SIPA1L1: variants seen among roughly 807,000 people sequenced by gnomAD.
SIPA1L1 encodes signal-induced proliferation-associated 1-like protein 1.
A neutral mutation model predicts 162.7 loss-of-function variants in SIPA1L1; 26 were observed. The observed-to-expected ratio is 0.16, with a 90% CI of 0.12 to 0.22. SIPA1L1 has a LOEUF of 0.22. Among genes scored for constraint, SIPA1L1 ranks in the 10% least tolerant of loss-of-function variants. The probability of loss-of-function intolerance (pLI) is 1.00; values close to 1 mark genes in which losing one functional copy is unlikely to be tolerated. For missense variants in SIPA1L1, 1,874 were observed against 2,241.0 expected (o/e 0.84, Z 3.31); for synonymous variants, 829 against 837.4 (o/e 0.99, Z 0.17).
intron 7 of SIPA1L1, among the ~76,000 whole-genome samples, chr14:71,626,582 A>G (rs372665026): frequency 2.6e-5 from 4 of 152,200 alleles, no homozygotes; most frequent in African/African-American, 7.2e-5. Flanking sequence ...GGAAATGCTT[A>G]TAAGTGCAGT....
chr14:71,429,890 A>C (rs2043854287), intron 2 of SIPA1L1, among the ~76,000 whole-genome samples: 1 of 152,192 alleles, frequency 6.6e-6, no homozygotes, highest in African/African-American at 2.4e-5. Flanking sequence ...TTTATTTAGA[A>C]ATAAAGAATT....
intron 14 of SIPA1L1, among the ~76,000 whole-genome samples, chr14:71,699,646 G>A (rs1446958060): frequency 6.6e-6 from 1 of 152,214 alleles, no homozygotes; most frequent in African/African-American, 2.4e-5. Flanking sequence ...AGAAAGAACT[G>A]AGGATGTGCA....
At chr14:71,493,688 G>T (rs2049479742) in intron 2 of SIPA1L1, among the ~76,000 whole-genome samples, 1 of 152,142 alleles carries the variant, frequency 6.6e-6, no homozygotes, top group African/African-American at 2.4e-5. Flanking sequence ...TGGAACAAAG[G>T]TTATGTATGT....
intron 2 of SIPA1L1, among the ~76,000 whole-genome samples, chr14:71,394,767 A>G (rs537781366): frequency 1.7e-4 from 26 of 152,348 alleles, no homozygotes; most frequent in African/African-American, 6.3e-4. Flanking sequence ...GGTACCATCT[A>G]AAGTTAAGAT....
At chr14:71,500,406 T>C (rs2050113219) in intron 2 of SIPA1L1, among the ~76,000 whole-genome samples, 1 of 152,242 alleles carries the variant, frequency 6.6e-6, no homozygotes, top group Non-Finnish European at 1.5e-5. Context: ...GCCCTCAAAA[T>C]CATATGGTGG....
At chr14:71,419,193 G>A (rs940916381) in intron 2 of SIPA1L1, among the ~76,000 whole-genome samples, 25 of 151,694 alleles carry the variant, frequency 1.6e-4, no homozygotes, top group Non-Finnish European at 4.4e-5. Context: ...GTTAAATAGT[G>A]AATGGTTGCT....
intron 22 of SIPA1L1, among the ~76,000 whole-genome samples, chr14:71,736,967 A>C (rs2085353198): frequency 6.6e-6 from 1 of 152,104 alleles, no homozygotes; most frequent in African/African-American, 2.4e-5. Flanking sequence ...TCTGTCCAGC[A>C]CCGCCCCTTT....
intron 7 of SIPA1L1, among the ~76,000 whole-genome samples, chr14:71,645,739 C>T (rs996273416): frequency 1.3e-5 from 2 of 152,124 alleles, no homozygotes; most frequent in African/African-American, 4.8e-5. Flanking sequence ...TTTGACTCAC[C>T]ATGAGTGCAT....
chr14:71,616,666 T>G (rs1363458545), intron 5 of SIPA1L1, among the ~76,000 whole-genome samples: 1 of 152,180 alleles, frequency 6.6e-6, no homozygotes, highest in Admixed American at 6.5e-5. Flanking sequence ...TGATTAGGTT[T>G]GCATCTGAAA....
chr14:71,629,726 A>G (rs2040384497), intron 7 of SIPA1L1, among the ~76,000 whole-genome samples: 1 of 152,264 alleles, frequency 6.6e-6, no homozygotes, highest in Admixed American at 6.5e-5. Context: ...ATTATTAAAA[A>G]TGCAGTGAAA....
chr14:71,663,674 A>T (rs1385340293), intron 10 of SIPA1L1, among the ~76,000 whole-genome samples: 1 of 151,948 alleles, frequency 6.6e-6, no homozygotes, highest in Non-Finnish European at 1.5e-5. Flanking sequence ...CTCCCCTGAA[A>T]ATTAGGATTT....
chr14:71,387,705 G>A (rs56084561), intron 2 of SIPA1L1, among the ~76,000 whole-genome samples: 2,773 of 152,276 alleles, frequency 0.018, 42 homozygotes, highest in Middle Eastern at 0.048. Flanking sequence ...TTTCTAGCAG[G>A]AATGTGTTAC....
At chr14:71,505,771 G>C (rs544802447) in intron 2 of SIPA1L1, among the ~76,000 whole-genome samples, 2 of 152,150 alleles carry the variant, frequency 1.3e-5, no homozygotes, top group East Asian at 1.9e-4. Flanking sequence ...CACCTGACCT[G>C]ATGTGACAGT....
intron 2 of SIPA1L1, among the ~76,000 whole-genome samples, chr14:71,432,546 A>G (rs570558138): frequency 1.3e-5 from 2 of 152,190 alleles, no homozygotes; most frequent in East Asian, 3.9e-4. Context: ...ATAGTAATGT[A>G]TTTATGTTTT....
chr14:71,725,236 C>T (rs2084123993), intron 19 of SIPA1L1, among the ~76,000 whole-genome samples: 1 of 152,204 alleles, frequency 6.6e-6, no homozygotes, highest in Non-Finnish European at 1.5e-5. Flanking sequence ...TCCTCGTCTT[C>T]TCAGAAATGG....
chr14:71,472,092 A>G (rs899962080), intron 2 of SIPA1L1, among the ~76,000 whole-genome samples: 1 of 151,964 alleles, frequency 6.6e-6, no homozygotes, highest in Non-Finnish European at 1.5e-5. Flanking sequence ...TTCAGGGACC[A>G]CCTCCTCCTG....
At chr14:71,485,264 T>C (rs1468743588) in intron 2 of SIPA1L1, among the ~76,000 whole-genome samples, 4 of 152,204 alleles carry the variant, frequency 2.6e-5, no homozygotes, top group Non-Finnish European at 4.4e-5. Flanking sequence ...CAACCAGATA[T>C]TCATTTAGAG....
chr14:71,608,363 C>T (rs1339717428), intron 5 of SIPA1L1, among the ~76,000 whole-genome samples: 2 of 152,160 alleles, frequency 1.3e-5, no homozygotes, highest in Non-Finnish European at 2.9e-5. Context: ...AGGAAGACAT[C>T]TTGCTGCAAT....
intron 2 of SIPA1L1, among the ~76,000 whole-genome samples, chr14:71,501,285 A>G (rs2050193548): frequency 6.6e-6 from 1 of 152,048 alleles, no homozygotes. Context: ...AAGCCACTGC[A>G]CTCCAGCCTG....
Sources: gnomAD v4.1 joint callset for allele counts (sites outside exome capture counted in the v4.1 genomes callset) on GRCh38, gnomAD v4.1.1 for gene constraint, MANE v1.5 for transcripts, NCBI Gene and HGNC (gene_info 2026-07-23, HGNC 2026-07-21) for gene names.